Variants in EP400 observed in about 807,000 individuals in gnomAD.
The protein encoded by EP400 is E1A binding protein p400.
Under a neutral mutation model 354.1 loss-of-function variants are expected in EP400, and 105 were observed. The ratio of observed to expected loss-of-function variants is 0.30; its 90% CI spans 0.25 to 0.35. The LOEUF (loss-of-function observed/expected upper bound fraction) is 0.35, where lower values mean the gene tolerates loss of function less well. EP400 is among the 10% of genes least tolerant of loss of function. EP400 has a pLI of 1.00. For missense variants in EP400, 3,280 were observed against 4,121.0 expected, an observed-to-expected ratio of 0.80 and a Z score of 5.59; for synonymous variants, 1,646 against 1,716.9, an observed-to-expected ratio of 0.96 and a Z score of 1.02.
intron 12 of EP400, 93 bp from the exon 13 acceptor site, chr12:132,004,984 C>T: frequency 1.1e-6 from 1 of 934,898 alleles, no homozygotes; most frequent in South Asian, 1.4e-5. Context: ...CCTTGCCCTT[C>T]TTACCGTGGT....
In EP400 at chr12:132,053,369, G is replaced by T; in HGVS notation, c.7500G>T (p.Gln2500His). ...KKALADQQKA[Q>H]QPAVAQPPPP... Reference sequence around the variant, plus strand: ...CTCTGGCTGATCAGCAGAAGGCACAGCAGCCGGCCGTGGCCCAGCCACCCC... The same window carrying T: ...CTCTGGCTGATCAGCAGAAGGCACATCAGCCGGCCGTGGCCCAGCCACCCC... Residue 2500 changes from glutamine to histidine, a missense_variant, in exon 43 of 53, where the codon CAG becomes CAT. Physicochemically the swap from Gln to His is conservative, Grantham distance 24 (BLOSUM62 0). Around this residue, in one of 20 missense-constraint regions of EP400, gnomAD observed 255 missense variants for 295.9 expected, o/e 0.86. Coordinates refer to ENST00000389561, the MANE Select transcript of EP400 (RefSeq NM_015409.5). 6.4e-7 allele frequency: 1 copy of T among 1,572,776 alleles called. No homozygotes were observed. Among genetic ancestry groups the T allele is most frequent in the Non-Finnish European group, 8.6e-7 (1 of 1,167,940 alleles).
intron 51 of EP400, among the ~76,000 whole-genome samples, chr12:132,073,459 CTTTT>C (rs58724167): frequency 8.5e-6 from 1 of 117,694 alleles, no homozygotes; most frequent in African/African-American, 4.4e-5. Flanking sequence ...GTCCCTTTTC[CTTTT>C]TTTTTTTTTT....
At chr12:132,062,853 T>C (rs1263666969) in intron 47 of EP400, 152 bp downstream of exon 47, 5 of 1,003,860 alleles carry the variant, frequency 5.0e-6, no homozygotes, top group South Asian at 1.7e-5. Context: ...TTCGTTTTAT[T>C]GGTCTAAAAT....
In EP400 at chr12:132,054,326, A is replaced by T. The variant is rs1028268412; in HGVS notation, c.7729-648A>T. ...AATTGTTTGCTGTAGTGGAATTTTT[A>T]TATGTACTCAGGCAACTTCATTCCT... On this transcript the variant is annotated intron_variant, in intron 43 of 52. Transcript: ENST00000389561. The surrounding 1 kb of genome is among the most constrained non-coding windows in gnomAD (Gnocchi z 4.0). Among the ~76,000 whole-genome samples, 1 of 152,228 alleles carries T rather than the reference A, an allele frequency of 6.6e-6. No homozygotes were observed. Among genetic ancestry groups the T allele is most frequent in the South Asian group, 2.1e-4 (1 of 4,838 alleles).
rs931812084 is a variant in EP400, at chr12:132,052,047, T to A, written c.7395-1099T>A. Among the ~76,000 whole-genome samples the A allele has an allele frequency of 6.6e-6, 1 of 152,234 alleles. No homozygotes were observed. Among genetic ancestry groups the A allele is most frequent in the South Asian group, 2.1e-4 (1 of 4,832 alleles). On this transcript the variant is annotated intron_variant, in intron 41 of 52. Transcript: ENST00000389561. The surrounding 1 kb of genome is among the most constrained non-coding windows in gnomAD (Gnocchi z 4.4). ...AGCTCCTATCTCTGTATGGCCTGGCTTTTCCTAGGTTATGATTATAGAGCG... is the reference window on the plus strand; with the variant it reads ...AGCTCCTATCTCTGTATGGCCTGGCATTTCCTAGGTTATGATTATAGAGCG...
intron 15 of EP400, among the ~76,000 whole-genome samples, chr12:132,010,606 G>A (rs1893732762): frequency 6.6e-6 from 1 of 152,212 alleles, no homozygotes. Context: ...TTATAGCACA[G>A]AAGTTGAAAT....
intron 51 of EP400, among the ~76,000 whole-genome samples, chr12:132,073,161 C>T (rs76343921): frequency 1.0e-3 from 159 of 151,522 alleles, no homozygotes; most frequent in African/African-American, 3.7e-3. Context: ...TTTGTTTGGA[C>T]TCTGTTTGTC....
Position 132,025,837 on chromosome 12 carries a change from T to C in EP400, c.5014+33T>C, listed in dbSNP as rs1270496574. On this transcript the variant is annotated intron_variant, in intron 25 of 52. Transcript: ENST00000389561. This position sits in a 1 kb window ranked among gnomAD's most constrained non-coding sequence, Gnocchi z 4.1. ...GCTCTGAGCAGGAGGGAGACTTGGC[T>C]TGGATGCTTCTTTCTCTTCCATCTA... 49 of 1,541,626 alleles carry C rather than the reference T, an allele frequency of 3.2e-5. No individual in the cohort carries two copies. Among genetic ancestry groups the C allele is most frequent in the Non-Finnish European group, 4.3e-5 (49 of 1,147,168 alleles).
chr12:131,951,376 T>C (rs563696970), intron 1 of EP400, among the ~76,000 whole-genome samples: 12 of 151,674 alleles, frequency 7.9e-5, no homozygotes, highest in African/African-American at 2.9e-4. Flanking sequence ...TGAGTTGGGG[T>C]CTTGCTGTGT....
At chr12:131,992,086 C>T (rs1380403477) in intron 10 of EP400, 87 bp from the exon 11 acceptor site, 3 of 1,474,154 alleles carry the variant, frequency 2.0e-6, no homozygotes, top group Non-Finnish European at 1.9e-6. Context: ...GGGGCTCCCC[C>T]AACCTGTCCC....
rs1035106527 is a variant in EP400, at chr12:132,054,361, A to T, written c.7729-613A>T. ...AGGCAACTTCATTCCTCATTTATTCAAAAGGGATCTTTGTGAATACTTACT... is the reference window on the plus strand; with the variant it reads ...AGGCAACTTCATTCCTCATTTATTCTAAAGGGATCTTTGTGAATACTTACT... On this transcript the variant is annotated intron_variant, in intron 43 of 52. Transcript: ENST00000389561. The surrounding 1 kb of genome is among the most constrained non-coding windows in gnomAD (Gnocchi z 4.0). Among the ~76,000 whole-genome samples the T allele has an allele frequency of 3.3e-5, 5 of 152,222 alleles. No homozygotes were observed. The highest frequency in any genetic ancestry group is 1.2e-4 in the African/African-American group (5 of 41,444).
At chr12:132,015,583 G>C (rs766901999) in intron 19 of EP400, among the ~76,000 whole-genome samples, 1 of 152,204 alleles carries the variant, frequency 6.6e-6, no homozygotes, top group Non-Finnish European at 1.5e-5. Context: ...CAGGGTTGCA[G>C]TGTCGTCTGA....
intron 25 of EP400, among the ~76,000 whole-genome samples, chr12:132,026,862 T>C (rs1451205772): frequency 6.6e-6 from 1 of 152,216 alleles, no homozygotes; most frequent in African/African-American, 2.4e-5. Context: ...CACATCTTTG[T>C]AGGAAAGTCT....
chr12:132,043,877 G>A (rs1002603165), intron 34 of EP400, 149 bp downstream of exon 34: 8 of 841,310 alleles, frequency 9.5e-6, no homozygotes, highest in Non-Finnish European at 7.4e-6. Context: ...AGAGAGTCTC[G>A]AGAAGCCCGT....
At position 132,077,391 on chromosome 12, in the gene EP400, C is replaced by T; in HGVS notation, c.9100-10C>T. 6.2e-7 allele frequency: 1 copy of T among 1,604,886 alleles called. No individual in the cohort carries two copies. Among genetic ancestry groups the T allele is most frequent in the Non-Finnish European group, 8.5e-7 (1 of 1,174,632 alleles). On this transcript the variant is annotated splice_polypyrimidine_tract_variant and intron_variant, in intron 52 of 52. Coordinates refer to ENST00000389561, the MANE Select transcript of EP400 (RefSeq NM_015409.5). ...TGGGCAATGTGTGTTTTCTGACTCTCTCGGCTCAGGCTTCTCCACAGACTG... is the reference window on the plus strand; with the variant it reads ...TGGGCAATGTGTGTTTTCTGACTCTTTCGGCTCAGGCTTCTCCACAGACTG...
At chr12:132,047,180 G>GT (rs538563702) in intron 39 of EP400, among the ~76,000 whole-genome samples, 20 of 151,954 alleles carry the variant, frequency 1.3e-4, no homozygotes, top group South Asian at 4.2e-4. Context: ...GCATTTGTTT[G>GT]TTTTTTTTGT....
rs1371817526 is a variant in EP400, at chr12:131,982,401, C to T, written c.1852C>T (p.Pro618Ser). ...CCAACTCCCCATCCCTCCCTCGCAG[C>T]CTGCACAGCTGGCCCTCCACGTTCC... The part of the protein sequence containing the change: ...SSQLPIPPSQ[P>S]AQLALHVPTP... Residue 618 changes from proline to serine, a missense_variant, in exon 5 of 53, where the codon CCT becomes TCT. Pro to Ser is a moderately conservative substitution (Grantham distance 74). Around this residue, in one of 20 missense-constraint regions of EP400, gnomAD observed 800 missense variants for 840.0 expected, o/e 0.95. Transcript: ENST00000389561. 2 of 1,614,164 alleles carry T rather than the reference C, an allele frequency of 1.2e-6. No homozygotes were observed. The highest frequency in any genetic ancestry group is 2.2e-5 in the South Asian group (2 of 91,072).
chr12:132,062,248 G>T lies in EP400; in HGVS notation c.8023G>T (p.Ala2675Ser). Residue 2675 changes from alanine to serine, a missense_variant, in exon 46 of 53, where the codon GCC becomes TCC. This residue lies in a region of EP400 where 255 missense variants were observed against 295.9 expected (regional missense o/e 0.86). Coordinates refer to ENST00000389561, the MANE Select transcript of EP400 (RefSeq NM_015409.5). ...QGVRAVTSVT[A>S]SAVVTTNLTP... ...TGTTCGAGCGGTCACTTCTGTGACAGCCTCGGCCGTGGTCACTACCAACCT... is the reference window on the plus strand; with the variant it reads ...TGTTCGAGCGGTCACTTCTGTGACATCCTCGGCCGTGGTCACTACCAACCT... The T allele has an allele frequency of 6.2e-7, 1 of 1,614,244 alleles. No homozygotes were observed. Among genetic ancestry groups the T allele is most frequent in the Non-Finnish European group, 8.5e-7 (1 of 1,180,054 alleles).
chr12:131,980,985 T>C, intron 3 of EP400, among the ~76,000 whole-genome samples: 1 of 152,234 alleles, frequency 6.6e-6, no homozygotes, highest in East Asian at 1.9e-4. Flanking sequence ...ATCAACAATT[T>C]CTGGTTCTTT....
Sources: allele counts gnomAD v4.1 joint callset (sites outside exome capture counted in the v4.1 genomes callset), GRCh38; gene constraint gnomAD v4.1.1; regional missense constraint gnomAD v4.1.1; non-coding constraint Gnocchi (gnomAD v3.1); transcripts MANE v1.5; gene names NCBI Gene and HGNC (gene_info 2026-07-23, HGNC 2026-07-21).